Variants in CACNG5 observed in about 807,000 individuals in gnomAD.
CACNG5 encodes calcium voltage-gated channel auxiliary subunit gamma 5.
Under a neutral mutation model 24.8 loss-of-function variants are expected in CACNG5, and 18 were observed. The ratio of observed to expected loss-of-function variants is 0.73; its 90% CI spans 0.50 to 1.08. The LOEUF is 1.08. Among genes scored for constraint, CACNG5 ranks in the 50% least tolerant of loss-of-function variants. The pLI is 0.00. For missense variants in CACNG5, 349 were observed against 367.9 expected (o/e 0.95, Z 0.42); for synonymous variants, 157 against 149.1 (o/e 1.05, Z -0.39).
intron 1 of CACNG5, among the ~76,000 whole-genome samples, chr17:66,836,653 G>A (rs1976485165): frequency 6.6e-6 from 1 of 152,200 alleles, no homozygotes; most frequent in Admixed American, 6.5e-5. Context: ...GGTCCCCAGG[G>A]TGCCTAACAG....
At position 66,886,325 on chromosome 17, in the gene CACNG5, G is replaced by C. The variant is rs1316587275; in HGVS notation, c.*1085G>C. ...CTCCGAAGGCTGCCTGTGAACATTG[G>C]GGGGTTGCCAATTTAATCCTAATAT... is the stretch of plus-strand genomic sequence containing the variant. On this transcript the variant is annotated 3_prime_UTR_variant, in exon 6 of 6. Coordinates refer to ENST00000533854, the MANE Select transcript of CACNG5 (RefSeq NM_145811.3). Among the ~76,000 whole-genome samples, 4 of 152,300 alleles carry C rather than the reference G, an allele frequency of 2.6e-5. No homozygotes were observed. The highest frequency in any genetic ancestry group is 9.6e-5 in the African/African-American group (4 of 41,570).
intron 1 of CACNG5, among the ~76,000 whole-genome samples, 188 bp downstream of exon 1, chr17:66,835,438 G>T (rs549915100): frequency 6.6e-6 from 1 of 152,320 alleles, no homozygotes; most frequent in South Asian, 2.1e-4. Context: ...GAGCGCGGGC[G>T]TGTGTATGCG....
chr17:66,888,182 CT>C lies in CACNG5; in HGVS notation c.*2962del, dbSNP rs1202304621. ...CCCACACCTGGAACTTACTACCCTA[CT>C]TTTTTTTTTTTTTTTTTTTGAGATG... On this transcript the variant is annotated 3_prime_UTR_variant, in exon 6 of 6. Coordinates refer to ENST00000533854, the MANE Select transcript of CACNG5 (RefSeq NM_145811.3). Among the ~76,000 whole-genome samples the C allele has an allele frequency of 0.079, 9,337 of 118,556 alleles. 492 individuals carry two copies. The highest frequency in any genetic ancestry group is 0.2 in the African/African-American group (5,882 of 29,634). 77.8% of individuals were successfully genotyped at this position (118,556 alleles called of 152,430 possible). A position where few individuals can be genotyped will look rare whatever the true frequency, so the allele number is the denominator to read the frequency against.
chr17:66,886,577 A>C lies in CACNG5; in HGVS notation c.*1337A>C, dbSNP rs185713974. On this transcript the variant is annotated 3_prime_UTR_variant, in exon 6 of 6. Transcript: ENST00000533854. ...GTTTTGAGATTTTGAGTAGCAAAGC[A>C]ATGCTGTGTGTCGCTGCTGTGCCCG... 4.8e-4 allele frequency among the ~76,000 whole-genome samples: 73 copies of C among 152,334 alleles called. No homozygotes were observed. The East Asian group carries it at 0.013, about 28-fold the overall frequency.
intron 4 of CACNG5, among the ~76,000 whole-genome samples, chr17:66,882,915 A>G (rs1462398424): frequency 6.6e-6 from 1 of 151,794 alleles, no homozygotes; most frequent in East Asian, 1.9e-4. Context: ...TCTGATGTCC[A>G]AGAGCCACTC....
chr17:66,836,419 G>C (rs900856220), intron 1 of CACNG5, among the ~76,000 whole-genome samples: 1 of 152,206 alleles, frequency 6.6e-6, no homozygotes, highest in Non-Finnish European at 1.5e-5. Flanking sequence ...AGCCAGGATT[G>C]CCTGGGTGTG....
intron 1 of CACNG5, among the ~76,000 whole-genome samples, chr17:66,860,862 T>C (rs1046140218): frequency 6.6e-6 from 1 of 152,146 alleles, no homozygotes; most frequent in African/African-American, 2.4e-5. Context: ...TTGACATTTT[T>C]TTTTTTTTAG....
chr17:66,838,533 G>T (rs1009140293), intron 1 of CACNG5, among the ~76,000 whole-genome samples: 1 of 151,892 alleles, frequency 6.6e-6, no homozygotes, highest in Non-Finnish European at 1.5e-5. Flanking sequence ...GATGTGGACT[G>T]GTCCTGGCTG....
chr17:66,892,246 C>T lies in CACNG5; in HGVS notation c.*7006C>T, dbSNP rs534437057. 1.7e-4 allele frequency among the ~76,000 whole-genome samples: 26 copies of T among 152,376 alleles called. No homozygotes were observed. Among genetic ancestry groups the T allele is most frequent in the Non-Finnish European group, 2.6e-4 (18 of 68,028 alleles). ...CGACAAGGCTGTGCCTGGGGCAAGA[C>T]GCCAAATTCATGGGCTCATGCCCAG... On this transcript the variant is annotated 3_prime_UTR_variant, in exon 6 of 6. Coordinates refer to ENST00000533854, the MANE Select transcript of CACNG5 (RefSeq NM_145811.3).
Position 66,889,022 on chromosome 17 carries a change from G to A in CACNG5, c.*3782G>A, listed in dbSNP as rs977648402. Among the ~76,000 whole-genome samples the A allele has an allele frequency of 6.6e-6, 1 of 152,206 alleles. No individual in the cohort carries two copies. The highest frequency in any genetic ancestry group is 2.4e-5 in the African/African-American group (1 of 41,446). On this transcript the variant is annotated 3_prime_UTR_variant, in exon 6 of 6. Coordinates refer to ENST00000533854, the MANE Select transcript of CACNG5 (RefSeq NM_145811.3). ...GCTCCTGCTCTGTCAGTGCAGTGGT[G>A]TGATCTCGGCTCACTGCAACCTCTG...
intron 1 of CACNG5, among the ~76,000 whole-genome samples, chr17:66,858,394 T>C (rs1221623058): frequency 6.6e-6 from 1 of 152,146 alleles, no homozygotes; most frequent in Non-Finnish European, 1.5e-5. Context: ...CATTCCTGTA[T>C]TATTGATGAG....
At chr17:66,846,856 A>C (rs542044457) in intron 1 of CACNG5, among the ~76,000 whole-genome samples, 1 of 152,320 alleles carries the variant, frequency 6.6e-6, no homozygotes, top group South Asian at 2.1e-4. Context: ...TCCTTTCCAC[A>C]GTGGCTGCAT....
intron 4 of CACNG5, among the ~76,000 whole-genome samples, chr17:66,883,978 C>T (rs1977205009): frequency 6.6e-6 from 1 of 151,946 alleles, no homozygotes; most frequent in Non-Finnish European, 1.5e-5. Context: ...ACTAAACACA[C>T]AAAATTAGCC....
Position 66,885,056 on chromosome 17 carries a change from G to C in CACNG5, c.644G>C (p.Gly215Ala). 6.2e-7 allele frequency: 1 copy of C among 1,614,194 alleles called. No individual in the cohort carries two copies. The highest frequency in any genetic ancestry group is 8.5e-7 in the Non-Finnish European group (1 of 1,180,024). ...GAGGACATGTACAGGCCCCACCCTG[G>C]CTTCTACCGCCCTCGGCTGAGCAAC... The part of the protein sequence containing the change: ...TAEDMYRPHP[G>A]FYRPRLSNCS... The change falls in exon 6 of 6, where the codon GGC becomes GCC. Residue 215 changes from glycine to alanine, a missense_variant. Gly to Ala is a moderately conservative substitution (Grantham distance 60). Coordinates refer to ENST00000533854, the MANE Select transcript of CACNG5 (RefSeq NM_145811.3).
At position 66,859,941 on chromosome 17, in the gene CACNG5, G is replaced by A. The variant is rs200257614; in HGVS notation, c.-103-17289G>A. 4.6e-5 allele frequency among the ~76,000 whole-genome samples: 7 copies of A among 151,410 alleles called. No individual in the cohort carries two copies. The East Asian group carries it at 7.8e-4, about 17-fold the overall frequency. The stretch of plus-strand genomic sequence containing the variant: ...ATTTTGTAAGGAAAATGCTGGGTTC[G>A]TCCATCCACCCGCATGATGCAAAGG... On this transcript the variant is annotated intron_variant, in intron 1 of 5. Coordinates refer to ENST00000533854, the MANE Select transcript of CACNG5 (RefSeq NM_145811.3).
At chr17:66,881,606 A>C (rs960633734) in intron 4 of CACNG5, among the ~76,000 whole-genome samples, 3 of 152,184 alleles carry the variant, frequency 2.0e-5, no homozygotes, top group African/African-American at 7.2e-5. Context: ...CACTGCCTAC[A>C]AAAAGGGCAG....
Position 66,889,722 on chromosome 17 carries a change from T to G in CACNG5, c.*4482T>G, listed in dbSNP as rs945089792. On this transcript the variant is annotated 3_prime_UTR_variant, in exon 6 of 6. Transcript: ENST00000533854. ...CAGGGGAGGTCAGCCTTTGTTCTAT[T>G]CAGGCTTTCAGTGCAGTGGTTGAGG... Among the ~76,000 whole-genome samples the G allele has an allele frequency of 2.6e-5, 4 of 152,184 alleles. No individual in the cohort carries two copies. Among genetic ancestry groups the G allele is most frequent in the Admixed American group, 6.5e-5 (1 of 15,282 alleles).
chr17:66,855,160 C>T (rs9909053), intron 1 of CACNG5, among the ~76,000 whole-genome samples: 161 of 152,336 alleles, frequency 1.1e-3, no homozygotes, highest in African/African-American at 3.7e-3. Flanking sequence ...TTATTGCCAC[C>T]GTTTAATATC....
chr17:66,849,174 A>G (rs559717207), intron 1 of CACNG5, among the ~76,000 whole-genome samples: 1 of 152,286 alleles, frequency 6.6e-6, no homozygotes, highest in Non-Finnish European at 1.5e-5. Flanking sequence ...CAGAATACAG[A>G]GACATCATTC....
Sources: allele counts gnomAD v4.1 joint callset (sites outside exome capture counted in the v4.1 genomes callset), GRCh38; gene constraint gnomAD v4.1.1; transcripts MANE v1.5; gene names NCBI Gene and HGNC (gene_info 2026-07-23, HGNC 2026-07-21).